Variants in ARMC8 observed in about 807,000 individuals in gnomAD.
ARMC8 encodes armadillo repeat-containing protein 8.
Under a neutral mutation model 99.3 loss-of-function variants are expected in ARMC8, and 20 were observed. That is an observed-to-expected ratio of 0.20 (90% CI 0.14 to 0.29). The LOEUF is 0.29. Ranked by LOEUF, ARMC8 falls within the 10% of genes least tolerant of loss-of-function variation. The probability of loss-of-function intolerance (pLI) is 1.00; values close to 1 mark genes in which losing one functional copy is unlikely to be tolerated. For missense variants in ARMC8, 569 were observed against 809.5 expected (o/e 0.70, Z 3.60); for synonymous variants, 263 against 278.3 (o/e 0.95, Z 0.55).
At chr3:138,285,091 T>C (rs558303819) in intron 19 of ARMC8, among the ~76,000 whole-genome samples, 2 of 152,314 alleles carry the variant, frequency 1.3e-5, no homozygotes, top group Non-Finnish European at 2.9e-5. Context: ...GTCTTCTCTA[T>C]CCCTGCCATG....
chr3:138,187,692 C>T, intron 1 of ARMC8, 93 bp downstream of exon 1: 3 of 1,377,922 alleles, frequency 2.2e-6, no homozygotes, highest in Non-Finnish European at 2.0e-6. Flanking sequence ...TCCTGGGCAC[C>T]ACCCCCTGGG....
intron 2 of ARMC8, 24 bp downstream of exon 2, chr3:138,209,917 C>G (rs1469389360): frequency 1.3e-6 from 2 of 1,576,956 alleles, no homozygotes; most frequent in Non-Finnish European, 8.7e-7. Context: ...ATTTAAGAGT[C>G]TATCAAAAAG....
rs1275278155 is a variant in ARMC8 at position 138,234,726 on chromosome 3, A to C, written c.529-308A>C. 7.2e-5 allele frequency among the ~76,000 whole-genome samples: 11 copies of C among 152,184 alleles called. No individual in the cohort carries two copies. The East Asian group carries it at 1.9e-3, about 27-fold the overall frequency. On this transcript the variant is annotated intron_variant, in intron 6 of 21. Transcript: ENST00000469044. ...TGGTGGCATTCTATTTAATAATTGC[A>C]GAGGACTTGGGCGTTCTATTTAATA...
At chr3:138,190,861 T>A (rs1419719797) in intron 1 of ARMC8, among the ~76,000 whole-genome samples, 1 of 152,170 alleles carries the variant, frequency 6.6e-6, no homozygotes. Flanking sequence ...AAAATAGATA[T>A]CAAATAATCA....
intron 12 of ARMC8, among the ~76,000 whole-genome samples, chr3:138,253,843 A>G (rs2047256260): frequency 6.6e-6 from 1 of 152,216 alleles, no homozygotes; most frequent in African/African-American, 2.4e-5. Context: ...TCATGTGTGT[A>G]AAAAGTCTGT....
At chr3:138,254,336 T>C (rs73867054) in intron 12 of ARMC8, among the ~76,000 whole-genome samples, 9,008 of 152,230 alleles carry the variant, frequency 0.059, 669 homozygotes, top group African/African-American at 0.17. Flanking sequence ...ACTTTATCTA[T>C]TGAGTAATTT....
chr3:138,270,763 C>T (rs1171196838), intron 16 of ARMC8, among the ~76,000 whole-genome samples: 1 of 151,902 alleles, frequency 6.6e-6, no homozygotes, highest in Non-Finnish European at 1.5e-5. Flanking sequence ...TTAACAGTTT[C>T]TAGTAAATAA....
chr3:138,254,162 A>AT lies in ARMC8; in HGVS notation c.1134+8983dup, dbSNP rs2047270336. Among the ~76,000 whole-genome samples the AT allele has an allele frequency of 5.3e-5, 8 of 152,178 alleles. No individual in the cohort carries two copies. In the South Asian group the frequency reaches 1.7e-3, roughly 31 times the overall value. On this transcript the variant is annotated intron_variant, in intron 12 of 21. Coordinates refer to ENST00000469044, the MANE Select transcript of ARMC8 (RefSeq NM_001363941.2). ...TATCCAGATTATGTATCAAGGTGCT[A>AT]TTTTAGCATTTTATTCTGTAGACAG...
At position 138,235,036 on chromosome 3, in the gene ARMC8, G is replaced by A. The variant is rs957793427; in HGVS notation, c.531G>A (p.Gly177=). Residue 177 remains glycine, a splice_region_variant and synonymous_variant, in exon 7 of 22, where the codon GGG becomes GGA. Coordinates refer to ENST00000469044, the MANE Select transcript of ARMC8 (RefSeq NM_001363941.2). ...ICQIFSHCCK[G]PDHQTILFNH... The stretch of plus-strand genomic sequence containing the variant: ...TGTTGTATTCTTTTTTCTTACAGGG[G>A]CCAGATCATCAAACAATTTTATTTA... 11 of 1,612,040 alleles carry A rather than the reference G, an allele frequency of 6.8e-6. No individual in the cohort carries two copies. Among genetic ancestry groups the A allele is most frequent in the Non-Finnish European group, 9.3e-6 (11 of 1,178,690 alleles).
intron 18 of ARMC8, 53 bp downstream of exon 18, chr3:138,274,597 A>G (rs909669779): frequency 7.8e-7 from 1 of 1,287,192 alleles, no homozygotes; most frequent in African/African-American, 1.5e-5. Context: ...GCACAAAGGA[A>G]GTTCTTAAGA....
At chr3:138,244,444 A>AT (rs1401068530) in intron 11 of ARMC8, among the ~76,000 whole-genome samples, 2 of 151,696 alleles carry the variant, frequency 1.3e-5, no homozygotes, top group Non-Finnish European at 1.5e-5. Flanking sequence ...CGCCCAGCTC[A>AT]TTTTTTTGTA....
chr3:138,229,813 C>A (rs1576688715), intron 6 of ARMC8, among the ~76,000 whole-genome samples: 4 of 152,140 alleles, frequency 2.6e-5, no homozygotes, highest in African/African-American at 9.7e-5. Context: ...TAACTTCTAA[C>A]CAAATAATTA....
At chr3:138,228,223 G>A (rs977000206) in intron 5 of ARMC8, among the ~76,000 whole-genome samples, 20 of 152,174 alleles carry the variant, frequency 1.3e-4, no homozygotes, top group African/African-American at 3.9e-4. Flanking sequence ...GAGGAGATCT[G>A]CCCGCCTTGG....
chr3:138,263,498 A>T (rs2047956691), intron 12 of ARMC8: 1 of 522,830 alleles, frequency 1.9e-6, no homozygotes, highest in Non-Finnish European at 3.5e-6. Context: ...AAATGTCTTT[A>T]AAAATAAACA....
chr3:138,244,981 T>C (rs1406317580), intron 11 of ARMC8, 107 bp from the exon 12 acceptor site: 1 of 1,356,758 alleles, frequency 7.4e-7, no homozygotes, highest in African/African-American at 1.5e-5. Flanking sequence ...ACTGGGAAAT[T>C]CACTAAAATC....
chr3:138,188,215 T>A, intron 1 of ARMC8: 1 of 418,280 alleles, frequency 2.4e-6, no homozygotes, highest in Non-Finnish European at 4.3e-6. Flanking sequence ...TCCGCTCTGC[T>A]CAGAGGTCGC....
At chr3:138,282,628 T>G (rs1193881598) in intron 18 of ARMC8, among the ~76,000 whole-genome samples, 2 of 119,642 alleles carry the variant, frequency 1.7e-5, no homozygotes, top group African/African-American at 3.4e-5. Context: ...AGAGTGAGAC[T>G]CCATCTCAAA....
chr3:138,279,145 G>A (rs2049617259), intron 18 of ARMC8, among the ~76,000 whole-genome samples: 1 of 152,076 alleles, frequency 6.6e-6, no homozygotes, highest in African/African-American at 2.4e-5. Flanking sequence ...TCGGGTGTAG[G>A]TTTTTCATAG....
upstream of ARMC8, chr3:138,187,263 C>T (rs1022286242): frequency 2.4e-6 from 1 of 409,198 alleles, no homozygotes; most frequent in East Asian, 3.7e-5. Context: ...GCAGGTGGGG[C>T]CGGCAGATCT....
Sources: gnomAD v4.1 joint callset for allele counts (sites outside exome capture counted in the v4.1 genomes callset) on GRCh38, gnomAD v4.1.1 for gene constraint, MANE v1.5 for transcripts, NCBI Gene and HGNC (gene_info 2026-07-23, HGNC 2026-07-21) for gene names.